Variants in PDS5A observed in about 807,000 individuals in gnomAD.
The protein encoded by PDS5A is sister chromatid cohesion protein PDS5 homolog A.
In PDS5A, 42 loss-of-function variants were observed where a neutral mutation model predicts 167.1. The ratio of observed to expected loss-of-function variants is 0.25; its 90% CI spans 0.20 to 0.33. The LOEUF (loss-of-function observed/expected upper bound fraction) is 0.33, where lower values mean the gene tolerates loss of function less well. Among genes scored for constraint, PDS5A ranks in the 10% least tolerant of loss-of-function variants. PDS5A has a pLI of 1.00. For synonymous variants in PDS5A, 553 were observed against 554.6 expected (o/e 1.00, Z 0.04); for missense variants, 1,033 against 1,605.9 (o/e 0.64, Z 6.10).
rs766575736 is a variant in PDS5A at position 39,890,240 on chromosome 4, T to C, written c.1886+9A>G. 2 of 1,392,466 alleles carry C rather than the reference T, an allele frequency of 1.4e-6. No individual in the cohort carries two copies. Among genetic ancestry groups the C allele is most frequent in the South Asian group, 1.3e-5 (1 of 78,020 alleles). The allele number at this position is 1,392,466 out of a possible 1,614,324, so 86.3% of individuals were successfully genotyped here. A position where few individuals can be genotyped will look rare whatever the true frequency, so the allele number is the denominator to read the frequency against. ...ATTTATTTTTGAGCGAATATACTTC[T>C]TGGCTTACCTTATGGCTTCTGAATC... On this transcript the variant is annotated intron_variant, in intron 17 of 32. Coordinates refer to ENST00000303538, the MANE Select transcript of PDS5A (RefSeq NM_001100399.2).
chr4:39,836,140 C>T (rs766463728), intron 32 of PDS5A, among the ~76,000 whole-genome samples: 8 of 152,160 alleles, frequency 5.3e-5, no homozygotes, highest in South Asian at 2.1e-4. Flanking sequence ...CCATTTAATT[C>T]GTAGAGCAAC....
rs1721839183 is a variant in PDS5A, at chr4:39,890,163, T to C, written c.1886+86A>G. The stretch of plus-strand genomic sequence containing the variant: ...AAAGAGACATACAGAGGTTTTCAGG[T>C]ATCTTTAGGAGCCCAGAATTTAAAT... On this transcript the variant is annotated intron_variant, in intron 17 of 32. Transcript: ENST00000303538. The C allele has an allele frequency of 4.6e-6, 3 of 650,334 alleles. No homozygotes were observed. In the African/African-American group the frequency reaches 5.6e-5, roughly 12 times the overall value. The allele number at this position is 650,334 out of a possible 1,614,324, so 40.3% of individuals were successfully genotyped here.
At chr4:39,925,598 ACAGC>A (rs1725387022) in intron 5 of PDS5A, among the ~76,000 whole-genome samples, 1 of 152,220 alleles carries the variant, frequency 6.6e-6, no homozygotes, top group Non-Finnish European at 1.5e-5. Context: ...GGCCTCCAGG[ACAGC>A]CTGGGCGACT....
chr4:39,954,181 G>GA (rs11430818), intron 2 of PDS5A, among the ~76,000 whole-genome samples: 36,111 of 145,414 alleles, frequency 0.25, 4,789 homozygotes, highest in East Asian at 0.43. Context: ...TCTCTACGGA[G>GA]AAAAAAAAAC....
intron 6 of PDS5A, among the ~76,000 whole-genome samples, chr4:39,920,665 T>G (rs891762798): frequency 3.9e-5 from 6 of 152,232 alleles, no homozygotes; most frequent in African/African-American, 1.4e-4. Context: ...CAACACTATA[T>G]TGTTTTATTA....
At chr4:39,873,247 C>T (rs2109574277) in intron 20 of PDS5A, 103 bp from the exon 21 acceptor site, 2 of 564,148 alleles carry the variant, frequency 3.5e-6, no homozygotes, top group East Asian at 6.5e-5. Flanking sequence ...TTACCATGCC[C>T]AAACCAATCT....
chr4:39,881,667 C>G (rs1330005325), intron 17 of PDS5A, among the ~76,000 whole-genome samples: 5 of 152,104 alleles, frequency 3.3e-5, no homozygotes, highest in Admixed American at 6.6e-5. Context: ...CTAAGTCAAA[C>G]CCCTTACCTG....
At position 39,823,900 on chromosome 4, in the gene PDS5A, C is replaced by G. The variant is rs1489068901; in HGVS notation, c.*1585G>C. The G allele has an allele frequency of 6.6e-6, 1 of 152,466 alleles. No individual in the cohort carries two copies. The highest frequency in any genetic ancestry group is 1.5e-5 in the Non-Finnish European group (1 of 68,048). The allele number at this position is 152,466 out of a possible 1,614,324, so 9.4% of individuals were successfully genotyped here. ...GAGAAACGTAAGTGACATTTACTCTCAAACTTCACTCTAACAGAATCATCC... is the reference window on the plus strand; with the variant it reads ...GAGAAACGTAAGTGACATTTACTCTGAAACTTCACTCTAACAGAATCATCC... On this transcript the variant is annotated 3_prime_UTR_variant, in exon 33 of 33. Transcript: ENST00000303538.
chr4:39,889,958 C>A lies in PDS5A; in HGVS notation c.1886+291G>T, dbSNP rs527694353. Among the ~76,000 whole-genome samples, 4 of 152,320 alleles carry A rather than the reference C, an allele frequency of 2.6e-5. No homozygotes were observed. In the South Asian group the frequency reaches 8.3e-4, roughly 32 times the overall value. On this transcript the variant is annotated intron_variant, in intron 17 of 32. Transcript: ENST00000303538. ...ACTCAGAGGTTGGTCAACAGCCACA[C>A]AGATCTAAAATATTCCTTTTTCTGT...
At chr4:39,892,281 T>C (rs907619771) in intron 16 of PDS5A, among the ~76,000 whole-genome samples, 1 of 152,268 alleles carries the variant, frequency 6.6e-6, no homozygotes, top group Middle Eastern at 3.4e-3. Flanking sequence ...CAGATTTGTC[T>C]TCTCTTTCAT....
chr4:39,853,797 A>G (rs1460866910), intron 26 of PDS5A, among the ~76,000 whole-genome samples: 1 of 152,164 alleles, frequency 6.6e-6, no homozygotes, highest in Admixed American at 6.5e-5. Flanking sequence ...TGTCTAAACG[A>G]TATGTATTCC....
chr4:39,906,931 A>C lies in PDS5A; in HGVS notation c.1233+1464T>G, dbSNP rs981201325. Reference sequence around the variant, plus strand: ...GATTTCTTACATAAAAAAAAAAAAAAAAAAAAAAAAAACAAGCAATAAAAT... The same window carrying C: ...GATTTCTTACATAAAAAAAAAAAAACAAAAAAAAAAAACAAGCAATAAAAT... On this transcript the variant is annotated intron_variant, in intron 11 of 32. Transcript: ENST00000303538. 6.1e-4 allele frequency among the ~76,000 whole-genome samples: 92 copies of C among 151,214 alleles called. 1 individual carries two copies. The highest frequency in any genetic ancestry group is 2.0e-3 in the African/African-American group (84 of 41,346).
intron 21 of PDS5A, among the ~76,000 whole-genome samples, chr4:39,872,635 A>G (rs1056990164): frequency 9.2e-5 from 14 of 152,192 alleles, no homozygotes; most frequent in Non-Finnish European, 1.9e-4. Context: ...TGAGGCACAG[A>G]GCGAGACTCT....
intron 23 of PDS5A, among the ~76,000 whole-genome samples, chr4:39,863,909 T>C (rs765592256): frequency 6.6e-6 from 1 of 152,104 alleles, no homozygotes; most frequent in Admixed American, 6.6e-5. Flanking sequence ...GGTGGACGGA[T>C]CACGAGGTCA....
At position 39,922,749 on chromosome 4, in the gene PDS5A, C is replaced by CTA; in HGVS notation, c.528-3_528-2dup. The CTA allele has an allele frequency of 4.7e-6, 6 of 1,289,312 alleles. No homozygotes were observed. The highest frequency in any genetic ancestry group is 2.1e-5 in the South Asian group (1 of 48,424). The allele number at this position is 1,289,312 out of a possible 1,614,324, so 79.9% of individuals were successfully genotyped here. On this transcript the variant is annotated splice_acceptor_variant, in intron 5 of 32. Coordinates refer to ENST00000303538, the MANE Select transcript of PDS5A (RefSeq NM_001100399.2). LOFTEE classifies it high-confidence loss of function. ...TTGTACCTTCTTATTGTGGCTATTG[C>CTA]TATAAAAAAAAAAAAAAAAGAATAA...
At chr4:39,861,013 C>T (rs1167452565) in intron 26 of PDS5A, among the ~76,000 whole-genome samples, 1 of 151,248 alleles carries the variant, frequency 6.6e-6, no homozygotes, top group East Asian at 1.9e-4. Context: ...ACAATGAGCC[C>T]TGATCACACC....
Position 39,877,285 on chromosome 4 carries a change from T to A in PDS5A, c.1993-132A>T, listed in dbSNP as rs1253962208. ...GCTAGCTACACAGAATAGAGATACA[T>A]CTCCTAGCCGTCCTTGCAGTTAGTT... On this transcript the variant is annotated intron_variant, in intron 18 of 32. Coordinates refer to ENST00000303538, the MANE Select transcript of PDS5A (RefSeq NM_001100399.2). 23 of 502,910 alleles carry A rather than the reference T, an allele frequency of 4.6e-5. No homozygotes were observed. The South Asian group carries it at 8.3e-4, about 18-fold the overall frequency. The allele number at this position is 502,910 out of a possible 1,614,324, so 31.2% of individuals were successfully genotyped here.
At chr4:39,859,891 G>C (rs1718840710) in intron 26 of PDS5A, among the ~76,000 whole-genome samples, 1 of 152,184 alleles carries the variant, frequency 6.6e-6, no homozygotes, top group Non-Finnish European at 1.5e-5. Context: ...ACTACTCACT[G>C]CTCCAATCAG....
intron 23 of PDS5A, 69 bp downstream of exon 23, chr4:39,866,792 A>G: frequency 7.2e-7 from 1 of 1,383,040 alleles, no homozygotes; most frequent in Non-Finnish European, 1.0e-6. Context: ...TTCATTAGGT[A>G]AATAATTCCT....
Sources: allele counts gnomAD v4.1 joint callset (sites outside exome capture counted in the v4.1 genomes callset), GRCh38; gene constraint gnomAD v4.1.1; transcripts MANE v1.5; gene names NCBI Gene and HGNC (gene_info 2026-07-23, HGNC 2026-07-21).